TRRAP: variants seen among roughly 807,000 people sequenced by gnomAD.
TRRAP encodes the protein transformation/transcription domain associated protein, also known as transformation/transcription domain-associated protein.
Under a neutral mutation model 438.8 loss-of-function variants are expected in TRRAP, and 41 were observed. That is an observed-to-expected ratio of 0.09 (90% CI 0.07 to 0.12). TRRAP has a LOEUF of 0.12. Among genes scored for constraint, TRRAP ranks in the 10% least tolerant of loss-of-function variants. The probability of loss-of-function intolerance (pLI) is 1.00; values close to 1 mark genes in which losing one functional copy is unlikely to be tolerated. For synonymous variants in TRRAP, 1,994 were observed against 1,962.9 expected (o/e 1.02, Z -0.42); for missense variants, 3,122 against 5,055.1 (o/e 0.62, Z 11.60).
rs981336794 is a variant in TRRAP, at chr7:99,012,457, C to T, written c.*102C>T. On this transcript the variant is annotated 3_prime_UTR_variant, in exon 73 of 73. Transcript: ENST00000456197. This position sits in a 1 kb window ranked among gnomAD's most constrained non-coding sequence, Gnocchi z 5.9. ...CCTCGTTCCTTATATTCACAGAAGC[C>T]CCATAGTTTCACTGGGTTGCGGTTA... 8.1e-6 allele frequency: 11 copies of T among 1,354,736 alleles called. No individual in the cohort carries two copies. The South Asian group carries it at 1.5e-4, about 19-fold the overall frequency. 83.9% of individuals were successfully genotyped at this position (1,354,736 alleles called of 1,614,324 possible).
chr7:99,011,988 G>C lies in TRRAP; in HGVS notation c.11338-83G>C. ...TTGGTGGCCCTGAGCGGCCGCTGTGGTTGAGTCCCACCTTGTTAGGAAGCT... is the reference window on the plus strand; with the variant it reads ...TTGGTGGCCCTGAGCGGCCGCTGTGCTTGAGTCCCACCTTGTTAGGAAGCT... On this transcript the variant is annotated intron_variant, in intron 72 of 72. Coordinates refer to ENST00000456197, the MANE Select transcript of TRRAP (RefSeq NM_001375524.1). This position sits in a 1 kb window ranked among gnomAD's most constrained non-coding sequence, Gnocchi z 7.1. 6.5e-7 allele frequency: 1 copy of C among 1,541,208 alleles called. No homozygotes were observed. Among genetic ancestry groups the C allele is most frequent in the Non-Finnish European group, 8.8e-7 (1 of 1,137,650 alleles).
intron 60 of TRRAP, among the ~76,000 whole-genome samples, chr7:98,983,808 T>G (rs1473624379): frequency 4.6e-5 from 7 of 152,210 alleles, no homozygotes; most frequent in African/African-American, 1.7e-4. Context: ...TTTCTGGTTT[T>G]CCTGGTCCCC....
intron 48 of TRRAP, 55 bp downstream of exon 48, chr7:98,964,830 A>G (rs777083385): frequency 8.4e-6 from 13 of 1,551,362 alleles, no homozygotes; most frequent in Middle Eastern, 3.9e-4. Flanking sequence ...CAGAGAACAG[A>G]CTCTGTTGTG....
rs782339240 is a variant in TRRAP at position 98,956,369 on chromosome 7, A to C, written c.6097-30A>C. ...TTTGACTTCTCCCTAGAAATCAGTC[A>C]GTAAAACCAAGCGCCTGTGTGTTTT... On this transcript the variant is annotated intron_variant, in intron 42 of 72. Coordinates refer to ENST00000456197, the MANE Select transcript of TRRAP (RefSeq NM_001375524.1). The surrounding 1 kb of genome is among the most constrained non-coding windows in gnomAD (Gnocchi z 4.5). 53 of 1,613,208 alleles carry C rather than the reference A, an allele frequency of 3.3e-5. No homozygotes were observed. Among genetic ancestry groups the C allele is most frequent in the Non-Finnish European group, 4.3e-5 (51 of 1,179,594 alleles).
chr7:98,945,824 A>G (rs1554416660), intron 32 of TRRAP, 24 bp downstream of exon 32: 1 of 1,595,314 alleles, frequency 6.3e-7, no homozygotes, highest in Non-Finnish European at 8.5e-7. Flanking sequence ...ATTAACAGTC[A>G]GTTTCTGACT....
At chr7:98,942,882 A>T (rs1407276376) in intron 30 of TRRAP, 67 bp from the exon 31 acceptor site, 1 of 1,548,420 alleles carries the variant, frequency 6.5e-7, no homozygotes, top group East Asian at 2.3e-5. Flanking sequence ...GAATGATTAC[A>T]TAGTAGTTTC....
At position 99,005,224 on chromosome 7, in the gene TRRAP, C is replaced by T. The variant is rs1445571281; in HGVS notation, c.10629C>T (p.Leu3543=). Residue 3543 remains leucine (L), a synonymous_variant, in exon 69 of 73, where the codon CTC becomes CTT. Coordinates refer to ENST00000456197, the MANE Select transcript of TRRAP (RefSeq NM_001375524.1). The surrounding 1 kb of genome is among the most constrained non-coding windows in gnomAD (Gnocchi z 5.1). ...RGHNGKIYPY[L]VMNDACLTES... ...ACAATGGCAAGATCTACCCATACCT[C>T]GTCATGAACGACGCCTGCCTCACAG... is the stretch of plus-strand genomic sequence containing the variant. 11 of 1,614,180 alleles carry T rather than the reference C, an allele frequency of 6.8e-6. No individual in the cohort carries two copies. Among genetic ancestry groups the T allele is most frequent in the South Asian group, 4.4e-5 (4 of 91,086 alleles).
At chr7:98,890,269 TG>T in intron 3 of TRRAP, 65 bp from the exon 4 acceptor site, 1 of 1,040,352 alleles carries the variant, frequency 9.6e-7, no homozygotes, top group Non-Finnish European at 1.3e-6. Flanking sequence ...GTTATTATAA[TG>T]TGTAAATTTG....
chr7:98,907,557 C>T (rs892612632), intron 13 of TRRAP, among the ~76,000 whole-genome samples: 4 of 152,170 alleles, frequency 2.6e-5, no homozygotes, highest in Non-Finnish European at 5.9e-5. Context: ...TGGGGTTGAA[C>T]TTGCCTAGAA....
rs782768798 is a variant in TRRAP, at chr7:98,950,029, C to T, written c.5136-35C>T. 2.5e-6 allele frequency: 4 copies of T among 1,611,404 alleles called. No homozygotes were observed. In the South Asian group the frequency reaches 4.4e-5, roughly 18 times the overall value. On this transcript the variant is annotated intron_variant, in intron 37 of 72. Transcript: ENST00000456197. ...GGCGTAGTTGTTAATGAAATTTGCT[C>T]TAAGTTAACCTGTCTTCTTCTTTTG...
At chr7:98,924,917 T>C (rs1156627830) in intron 21 of TRRAP, among the ~76,000 whole-genome samples, 195 bp from the exon 22 acceptor site, 1 of 149,964 alleles carries the variant, frequency 6.7e-6, no homozygotes, top group Non-Finnish European at 1.5e-5. Context: ...AGCAGGAGAA[T>C]GGCGTGAACC....
rs1234332488 is a variant in TRRAP at position 99,012,450 on chromosome 7, C to G, written c.*95C>G. Reference sequence around the variant, plus strand: ...CTCCCTGCCTCGTTCCTTATATTCACAGAAGCCCCATAGTTTCACTGGGTT... The same window carrying G: ...CTCCCTGCCTCGTTCCTTATATTCAGAGAAGCCCCATAGTTTCACTGGGTT... On this transcript the variant is annotated 3_prime_UTR_variant, in exon 73 of 73. Coordinates refer to ENST00000456197, the MANE Select transcript of TRRAP (RefSeq NM_001375524.1). The surrounding 1 kb of genome is among the most constrained non-coding windows in gnomAD (Gnocchi z 5.9). 2 of 1,380,890 alleles carry G rather than the reference C, an allele frequency of 1.4e-6. No individual in the cohort carries two copies. The highest frequency in any genetic ancestry group is 2.9e-5 in the African/African-American group (2 of 68,626). 85.5% of individuals were successfully genotyped at this position (1,380,890 alleles called of 1,614,324 possible). A position where few individuals can be genotyped will look rare whatever the true frequency, so the allele number is the denominator to read the frequency against.
At chr7:99,004,863 G>A (rs964715724) in intron 68 of TRRAP, among the ~76,000 whole-genome samples, 8 of 152,170 alleles carry the variant, frequency 5.3e-5, no homozygotes, top group African/African-American at 1.9e-4. Flanking sequence ...TATATGTCCA[G>A]AGTTTAGTTG....
At chr7:98,937,421 C>G in intron 29 of TRRAP, 144 bp downstream of exon 29, 3 of 1,245,172 alleles carry the variant, frequency 2.4e-6, no homozygotes, top group Middle Eastern at 2.8e-4. Flanking sequence ...ACACACTAAA[C>G]TGTAATAAGA....
At chr7:98,936,258 C>G (rs1411979502) in intron 28 of TRRAP, among the ~76,000 whole-genome samples, 4 of 152,106 alleles carry the variant, frequency 2.6e-5, no homozygotes, top group African/African-American at 7.2e-5. Context: ...AACATATTTC[C>G]AGAATCTTTC....
At chr7:98,984,057 C>T (rs1208120388) in intron 60 of TRRAP, 36 bp from the exon 61 acceptor site, 8 of 1,515,018 alleles carry the variant, frequency 5.3e-6, no homozygotes, top group East Asian at 2.3e-5. Context: ...GAAAGAGGAT[C>T]GGTGTGGGCT....
chr7:98,936,082 T>C (rs563798592), intron 28 of TRRAP, among the ~76,000 whole-genome samples: 89 of 152,336 alleles, frequency 5.8e-4, no homozygotes, highest in African/African-American at 2.1e-3. Context: ...ACCTCAGTTA[T>C]CATTGTCAAG....
At chr7:99,007,350 T>C (rs985490787) in intron 69 of TRRAP, among the ~76,000 whole-genome samples, 2 of 152,234 alleles carry the variant, frequency 1.3e-5, no homozygotes, top group African/African-American at 4.8e-5. Flanking sequence ...TCTGTTTTTT[T>C]TTATTTTTAG....
Position 98,959,037 on chromosome 7 carries a change from C to T in TRRAP, c.6343-307C>T, listed in dbSNP as rs181745156. 2.6e-4 allele frequency among the ~76,000 whole-genome samples: 40 copies of T among 152,204 alleles called. 1 individual carries two copies. In the East Asian group the frequency reaches 7.7e-3, roughly 29 times the overall value. ...GTACTGAAAAGGATCTGCTAAGTAC[C>T]TAACCAGTAGATAATTCCTTGCCTC... On this transcript the variant is annotated intron_variant, in intron 44 of 72. Transcript: ENST00000456197.
Sources: allele counts gnomAD v4.1 joint callset (sites outside exome capture counted in the v4.1 genomes callset), GRCh38; gene constraint gnomAD v4.1.1; non-coding constraint Gnocchi (gnomAD v3.1); transcripts MANE v1.5; gene names NCBI Gene and HGNC (gene_info 2026-07-23, HGNC 2026-07-21).